Variants in SMOC1 observed in about 807,000 individuals in gnomAD.
SMOC1 encodes SPARC related modular calcium binding 1, also known as SPARC-related modular calcium-binding protein 1.
Under a neutral mutation model 56.3 loss-of-function variants are expected in SMOC1, and 22 were observed. The observed-to-expected ratio is 0.39, with a 90% CI of 0.28 to 0.56. The LOEUF (loss-of-function observed/expected upper bound fraction) is 0.56. Among genes scored for constraint, SMOC1 ranks in the 20% least tolerant of loss-of-function variants. The probability of loss-of-function intolerance (pLI) is 0.61; values close to 1 mark genes in which losing one functional copy is unlikely to be tolerated. For synonymous variants in SMOC1, 193 were observed against 215.0 expected, an observed-to-expected ratio of 0.90 and a Z score of 0.89; for missense variants, 509 against 565.4, an observed-to-expected ratio of 0.90 and a Z score of 1.01.
Position 70,023,321 on chromosome 14 carries a change from C to A in SMOC1, c.1165C>A (p.Arg389Ser). 6.2e-7 allele frequency: 1 copy of A among 1,614,138 alleles called. No homozygotes were observed. The highest frequency in any genetic ancestry group is 8.5e-7 in the Non-Finnish European group (1 of 1,180,030). Residue 389 changes from arginine (R) to serine (S), a missense_variant, in exon 11 of 12, where the codon CGC becomes AGC. Around this residue, in one of 3 missense-constraint regions of SMOC1, gnomAD observed 176 missense variants for 188.1 expected, o/e 0.94. Transcript: ENST00000361956. Reference protein sequence around the residue: ...INKREMKPFKRYVKKKAKPKK... With the variant: ...INKREMKPFKSYVKKKAKPKK... ...CAAGCGGGAGATGAAGCCCTTCAAGCGCTACGTGAAGAAGAAAGCCAAGCC... is the reference window on the plus strand; with the variant it reads ...CAAGCGGGAGATGAAGCCCTTCAAGAGCTACGTGAAGAAGAAAGCCAAGCC...
chr14:69,949,395 G>T (rs1374902092), intron 1 of SMOC1, among the ~76,000 whole-genome samples: 1 of 152,206 alleles, frequency 6.6e-6, no homozygotes, highest in Non-Finnish European at 1.5e-5. Flanking sequence ...GAGGGCCCCA[G>T]GATTGTGCTA....
At chr14:69,930,435 A>G (rs1360455686) in intron 1 of SMOC1, among the ~76,000 whole-genome samples, 1 of 152,210 alleles carries the variant, frequency 6.6e-6, no homozygotes, top group Non-Finnish European at 1.5e-5. Context: ...TCTTTTGTGC[A>G]ACATTATGTT....
intron 1 of SMOC1, among the ~76,000 whole-genome samples, chr14:69,931,222 C>A (rs1424817598): frequency 2.0e-5 from 3 of 152,210 alleles, no homozygotes; most frequent in African/African-American, 7.2e-5. Flanking sequence ...CACGCATGGC[C>A]GTTTTATTCA....
chr14:69,885,716 G>T, intron 1 of SMOC1: 1 of 1,452,790 alleles, frequency 6.9e-7, no homozygotes, highest in Non-Finnish European at 9.7e-7. Flanking sequence ...GGTGGTGACA[G>T]TGTTAACTCC....
intron 1 of SMOC1, among the ~76,000 whole-genome samples, chr14:69,883,718 TG>T (rs1883709456): frequency 6.6e-6 from 1 of 152,170 alleles, no homozygotes; most frequent in Admixed American, 6.5e-5. Flanking sequence ...TTTCTCATGA[TG>T]GCTGTACTAA....
At chr14:69,912,096 G>A (rs1884569337) in intron 1 of SMOC1, among the ~76,000 whole-genome samples, 1 of 152,058 alleles carries the variant, frequency 6.6e-6, no homozygotes, top group African/African-American at 2.4e-5. Context: ...ATTTTAATTT[G>A]CATTTCTATT....
At chr14:69,883,795 T>C (rs1196066069) in intron 1 of SMOC1, among the ~76,000 whole-genome samples, 1 of 152,164 alleles carries the variant, frequency 6.6e-6, no homozygotes, top group Non-Finnish European at 1.5e-5. Flanking sequence ...CACTTGTTGT[T>C]TTTTGTCTTT....
intron 1 of SMOC1, among the ~76,000 whole-genome samples, chr14:69,907,222 G>A (rs946076074): frequency 2.0e-5 from 3 of 152,120 alleles, no homozygotes; most frequent in African/African-American, 4.8e-5. Flanking sequence ...CAGCACTGTG[G>A]CATTTAATGT....
At chr14:69,927,656 A>G (rs1885045930) in intron 1 of SMOC1, among the ~76,000 whole-genome samples, 1 of 152,140 alleles carries the variant, frequency 6.6e-6, no homozygotes, top group Non-Finnish European at 1.5e-5. Flanking sequence ...AGCTTGGACG[A>G]CAGAGTCAGA....
At chr14:69,928,773 A>G (rs528134166) in intron 1 of SMOC1, among the ~76,000 whole-genome samples, 1 of 152,348 alleles carries the variant, frequency 6.6e-6, no homozygotes, top group South Asian at 2.1e-4. Flanking sequence ...GAGTAGAGTT[A>G]TTAATATTAT....
intron 1 of SMOC1, among the ~76,000 whole-genome samples, chr14:69,896,635 C>A (rs1201481529): frequency 1.3e-5 from 2 of 152,090 alleles, no homozygotes; most frequent in African/African-American, 4.8e-5. Flanking sequence ...GGTTTTATTC[C>A]CTTTTGTTTA....
chr14:69,963,178 T>G (rs2139469791), intron 3 of SMOC1, among the ~76,000 whole-genome samples: 1 of 152,226 alleles, frequency 6.6e-6, no homozygotes, highest in Non-Finnish European at 1.5e-5. Flanking sequence ...TGAGGGTTGT[T>G]CTGCACCCAT....
chr14:70,023,479 C>T (rs748152907), intron 11 of SMOC1, 32 bp downstream of exon 11: 1 of 1,613,690 alleles, frequency 6.2e-7, no homozygotes, highest in Non-Finnish European at 8.5e-7. Flanking sequence ...CCTGGCCTTT[C>T]AATACTTGCC....
chr14:70,023,063 G>A, intron 10 of SMOC1, 140 bp from the exon 11 acceptor site: 1 of 1,323,572 alleles, frequency 7.6e-7, no homozygotes, highest in Non-Finnish European at 1.1e-6. Flanking sequence ...CGTTGCCACA[G>A]GCTGAGCCGC....
At position 69,953,496 on chromosome 14, in the gene SMOC1, T is replaced by C. The variant is rs1296470680; in HGVS notation, c.342T>C (p.Phe114=). The change falls in exon 3 of 12, where the codon TTT becomes TTC. Residue 114 remains phenylalanine, a synonymous_variant. Transcript: ENST00000361956. The part of the protein sequence containing the change: ...EQAKKPQEAV[F]VPECGEDGSF... ...CCAAGAAGCCTCAGGAAGCTGTGTT[T>C]GTCCCAGAGTGTGGCGAGGATGGCT... 1 of 1,614,256 alleles carries C rather than the reference T, an allele frequency of 6.2e-7. No individual in the cohort carries two copies. The highest frequency in any genetic ancestry group is 2.2e-5 in the East Asian group (1 of 44,880).
chr14:69,951,096 A>G (rs1882979443), intron 1 of SMOC1, among the ~76,000 whole-genome samples: 1 of 152,152 alleles, frequency 6.6e-6, no homozygotes, highest in Non-Finnish European at 1.5e-5. Context: ...CTCTGTCTGC[A>G]TGGTTTTGAC....
At chr14:69,983,529 G>A (rs1053010946) in intron 5 of SMOC1, among the ~76,000 whole-genome samples, 2 of 152,224 alleles carry the variant, frequency 1.3e-5, no homozygotes, top group African/African-American at 4.8e-5. Flanking sequence ...CTGGGAAGTT[G>A]CCACCTCTGC....
chr14:69,942,772 C>A (rs1566682307), intron 1 of SMOC1, among the ~76,000 whole-genome samples: 1 of 152,264 alleles, frequency 6.6e-6, no homozygotes, highest in East Asian at 1.9e-4. Context: ...ACCTGCTTTT[C>A]TGAAAGATTG....
At chr14:69,979,337 C>T (rs1040569846) in intron 5 of SMOC1, among the ~76,000 whole-genome samples, 5 of 152,136 alleles carry the variant, frequency 3.3e-5, no homozygotes, top group African/African-American at 1.2e-4. Context: ...CCACCACCCA[C>T]CAGAAAACAG....
Sources: allele counts gnomAD v4.1 joint callset (sites outside exome capture counted in the v4.1 genomes callset), GRCh38; gene constraint gnomAD v4.1.1; regional missense constraint gnomAD v4.1.1; transcripts MANE v1.5; gene names NCBI Gene and HGNC (gene_info 2026-07-23, HGNC 2026-07-21).